CNTN4: variants seen among roughly 807,000 people sequenced by gnomAD.
CNTN4 encodes the protein contactin-4.
Under a neutral mutation model 122.5 loss-of-function variants are expected in CNTN4, and 77 were observed. That is an observed-to-expected ratio of 0.63 (90% CI 0.52 to 0.76). CNTN4 has a LOEUF of 0.76. Among genes scored for constraint, CNTN4 ranks in the 30% least tolerant of loss-of-function variants. The probability of loss-of-function intolerance (pLI) is 0.00; values close to 1 mark genes in which losing one functional copy is unlikely to be tolerated. For missense variants in CNTN4, 1,256 were observed against 1,259.1 expected, an observed-to-expected ratio of 1.00 and a Z score of 0.04; for synonymous variants, 512 against 447.0, an observed-to-expected ratio of 1.15 and a Z score of -1.83.
At chr3:2,131,427 G>A (rs2034447228) in intron 2 of CNTN4, among the ~76,000 whole-genome samples, 1 of 152,164 alleles carries the variant, frequency 6.6e-6, no homozygotes, top group Non-Finnish European at 1.5e-5. Context: ...ATGAGTCTCA[G>A]TAGCAACACT....
chr3:2,977,177 G>A (rs1049786954), intron 13 of CNTN4, among the ~76,000 whole-genome samples: 1 of 152,178 alleles, frequency 6.6e-6, no homozygotes, highest in African/African-American at 2.4e-5. Flanking sequence ...TTGCCTCAAG[G>A]GCAAGTAAAG....
At chr3:2,912,876 G>C (rs1381286770) in intron 12 of CNTN4, among the ~76,000 whole-genome samples, 1 of 152,242 alleles carries the variant, frequency 6.6e-6, no homozygotes, top group Non-Finnish European at 1.5e-5. Context: ...ACAAGGCTGG[G>C]TGCAGTGGCT....
At chr3:2,418,190 C>T (rs1414535583) in intron 3 of CNTN4, among the ~76,000 whole-genome samples, 1 of 151,964 alleles carries the variant, frequency 6.6e-6, no homozygotes. Flanking sequence ...AATAAATATA[C>T]CGCTGGTGAG....
At chr3:2,110,081 C>T (rs1173517108) in intron 2 of CNTN4, among the ~76,000 whole-genome samples, 1 of 151,996 alleles carries the variant, frequency 6.6e-6, no homozygotes, top group Non-Finnish European at 1.5e-5. Flanking sequence ...AAGCAGGTGA[C>T]TAAAGATAAT....
chr3:2,286,806 A>G (rs1666334), intron 2 of CNTN4, among the ~76,000 whole-genome samples: 149,304 of 152,230 alleles, frequency 0.98, 73,285 homozygotes, highest in Middle Eastern at 1. Flanking sequence ...GACATGGTTA[A>G]TCATAGTGTC....
At chr3:2,558,183 T>C (rs1320086001) in intron 3 of CNTN4, among the ~76,000 whole-genome samples, 1 of 152,216 alleles carries the variant, frequency 6.6e-6, no homozygotes, top group Non-Finnish European at 1.5e-5. Context: ...ATCACTCTGA[T>C]TCTACTAATG....
chr3:2,981,512 C>T (rs1234420465), intron 13 of CNTN4, among the ~76,000 whole-genome samples: 1 of 151,888 alleles, frequency 6.6e-6, no homozygotes, highest in Admixed American at 6.6e-5. Context: ...ATAATTTCTC[C>T]TTAACTCCTG....
At chr3:2,664,946 T>C (rs1180171700) in intron 4 of CNTN4, among the ~76,000 whole-genome samples, 1 of 152,216 alleles carries the variant, frequency 6.6e-6, no homozygotes, top group East Asian at 1.9e-4. Context: ...TTAATCTGTA[T>C]GTCAGTTCTT....
intron 8 of CNTN4, among the ~76,000 whole-genome samples, chr3:2,873,356 C>T (rs1283956251): frequency 6.6e-6 from 1 of 152,178 alleles, no homozygotes; most frequent in Non-Finnish European, 1.5e-5. Context: ...TCATTGAATC[C>T]GATTTCTCAT....
intron 4 of CNTN4, among the ~76,000 whole-genome samples, chr3:2,734,393 C>T (rs530314545): frequency 4.6e-5 from 7 of 152,290 alleles, no homozygotes; most frequent in Non-Finnish European, 1.0e-4. Flanking sequence ...TAAAGAATCA[C>T]TGGCCTAGTC....
At chr3:2,379,653 A>C (rs762488187) in intron 3 of CNTN4, among the ~76,000 whole-genome samples, 3 of 152,200 alleles carry the variant, frequency 2.0e-5, no homozygotes, top group Non-Finnish European at 4.4e-5. Context: ...AGACTGCAAG[A>C]ATTTGAATCT....
At chr3:2,889,014 A>G (rs1342154365) in intron 10 of CNTN4, among the ~76,000 whole-genome samples, 6 of 152,162 alleles carry the variant, frequency 3.9e-5, no homozygotes, top group East Asian at 1.9e-4. Context: ...GAAAGAAAGA[A>G]ATGGAAGGAA....
intron 2 of CNTN4, among the ~76,000 whole-genome samples, chr3:2,217,310 C>G (rs761265373): frequency 1.3e-5 from 2 of 152,112 alleles, no homozygotes; most frequent in Admixed American, 6.6e-5. Context: ...TGACTGGGCT[C>G]CCTGTCTTGT....
At chr3:2,614,987 C>T (rs2081650549) in intron 4 of CNTN4, among the ~76,000 whole-genome samples, 1 of 152,040 alleles carries the variant, frequency 6.6e-6, no homozygotes, top group Admixed American at 6.6e-5. Context: ...TTGTTGACAA[C>T]ACAATTGCTG....
At chr3:2,205,205 C>T (rs1382113754) in intron 2 of CNTN4, among the ~76,000 whole-genome samples, 3 of 150,744 alleles carry the variant, frequency 2.0e-5, no homozygotes, top group East Asian at 3.9e-4. Flanking sequence ...TAGTTTTCTG[C>T]CATATCCAAG....
Position 2,685,646 on chromosome 3 carries a change from G to C in CNTN4, c.56-50569G>C, listed in dbSNP as rs1450272605. On this transcript the variant is annotated intron_variant, in intron 4 of 24. Transcript: ENST00000418658. ...AAATGAGAAAACCTAACTGCTTTTT[G>C]TTTTTTGAGTTGTGTTGGGATTTTT... Among the ~76,000 whole-genome samples, 3 of 152,002 alleles carry C rather than the reference G, an allele frequency of 2.0e-5. 1 individual carries two copies. Among genetic ancestry groups the C allele is most frequent in the Non-Finnish European group, 4.4e-5 (3 of 67,956 alleles).
At chr3:2,863,437 G>GTTTCTTCT (rs1403975624) in intron 7 of CNTN4, among the ~76,000 whole-genome samples, 4 of 81,192 alleles carry the variant, frequency 4.9e-5, no homozygotes, top group African/African-American at 2.1e-4. Context: ...GGCATCTATG[G>GTTTCTTCT]TTTCTTCTTT....
chr3:2,266,556 G>A (rs983601040), intron 2 of CNTN4, among the ~76,000 whole-genome samples: 1 of 152,016 alleles, frequency 6.6e-6, no homozygotes, highest in South Asian at 2.1e-4. Flanking sequence ...GGATTTTTAA[G>A]TAAGGGCTGT....
chr3:2,876,584 G>A (rs1399655519), intron 8 of CNTN4, among the ~76,000 whole-genome samples: 9 of 152,256 alleles, frequency 5.9e-5, no homozygotes, highest in East Asian at 3.9e-4. Flanking sequence ...CTTATGGCAC[G>A]CAACTCTGCA....
Sources: allele counts gnomAD v4.1 joint callset (sites outside exome capture counted in the v4.1 genomes callset), GRCh38; gene constraint gnomAD v4.1.1; transcripts MANE v1.5; gene names NCBI Gene and HGNC (gene_info 2026-07-23, HGNC 2026-07-21).